FRMPD4: variants seen among roughly 807,000 people sequenced by gnomAD.
FRMPD4 encodes the protein FERM and PDZ domain-containing protein 4.
Under a neutral mutation model 94.1 loss-of-function variants are expected in FRMPD4, and 22 were observed. The ratio of observed to expected loss-of-function variants is 0.23; its 90% CI spans 0.17 to 0.33. FRMPD4 has a LOEUF of 0.33. Among genes scored for constraint, FRMPD4 ranks in the 10% least tolerant of loss-of-function variants. FRMPD4 has a pLI of 1.00. For synonymous variants in FRMPD4, 631 were observed against 548.6 expected (o/e 1.15, Z -2.10); for missense variants, 1,111 against 1,339.9 (o/e 0.83, Z 2.67).
chrX:12,312,447 G>T (rs2055050319), intron 1 of FRMPD4, among the ~76,000 whole-genome samples: 2 of 108,372 alleles, frequency 1.8e-5, no homozygotes, highest in African/African-American at 6.7e-5. Flanking sequence ...TAGAGACGGG[G>T]TTTCACCATG....
intron 3 of FRMPD4, among the ~76,000 whole-genome samples, chrX:12,096,751 G>C (rs1208090882): frequency 2.7e-5 from 3 of 111,271 alleles, no homozygotes; most frequent in East Asian, 5.6e-4. Context: ...GCTGGACATG[G>C]TTGTGTGCAC....
intron 1 of FRMPD4, among the ~76,000 whole-genome samples, chrX:12,459,008 A>G (rs1305195431): frequency 8.9e-6 from 1 of 112,172 alleles, no homozygotes; most frequent in African/African-American, 3.2e-5. Context: ...TCCATTGACC[A>G]TGGAGCACAG....
At chrX:12,463,692 G>GTTTTTTTTT (rs1235218164) in intron 1 of FRMPD4, among the ~76,000 whole-genome samples, 39 of 81,749 alleles carry the variant, frequency 4.8e-4, no homozygotes, top group Non-Finnish European at 8.1e-4. Flanking sequence ...TTTTTTTTTT[G>GTTTTTTTTT]TTTTTGTTTT....
chrX:12,051,666 A>G (rs898586067), intron 3 of FRMPD4, among the ~76,000 whole-genome samples: 1 of 111,554 alleles, frequency 9.0e-6, no homozygotes, highest in Non-Finnish European at 1.9e-5. Flanking sequence ...TAAAATTGTA[A>G]TGATCTTAGA....
intron 1 of FRMPD4, among the ~76,000 whole-genome samples, chrX:12,221,513 G>A (rs1425598365): frequency 8.9e-6 from 1 of 112,466 alleles, no homozygotes; most frequent in Non-Finnish European, 1.9e-5. Flanking sequence ...GAATTTGGAA[G>A]AGGTGATTAC....
chrX:12,461,961 G>T, intron 1 of FRMPD4, among the ~76,000 whole-genome samples: 1 of 111,677 alleles, frequency 9.0e-6, no homozygotes, highest in Non-Finnish European at 1.9e-5. Flanking sequence ...AGCAACAGAG[G>T]TTTGTTTCTC....
At chrX:12,314,499 G>A (rs975961955) in intron 1 of FRMPD4, among the ~76,000 whole-genome samples, 2 of 111,185 alleles carry the variant, frequency 1.8e-5, no homozygotes, top group Middle Eastern at 4.7e-3. Context: ...TCTGGTGGTC[G>A]TGGACCCTAT....
rs756043913 is a variant in FRMPD4, at chrX:12,718,020, T to C, written c.3194T>C (p.Phe1065Ser). The change falls in exon 16 of 17, where the codon TTT becomes TCT. Residue 1065 changes from phenylalanine (F) to serine (S), a missense_variant. Around this residue, in one of 8 missense-constraint regions of FRMPD4, gnomAD observed 551 missense variants for 591.6 expected, o/e 0.93. Coordinates refer to ENST00000675598, the MANE Select transcript of FRMPD4 (RefSeq NM_001368397.1). ...ATGGAGGAGGAGGCCAGTGGTAAAT[T>C]TGGTACTGTGTCTTCACGAGACAGT... ...AEMEEEASGK[F>S]GTVSSRDSQH... 2 of 1,211,776 alleles carry C rather than the reference T, an allele frequency of 1.7e-6. No homozygotes were observed. Among genetic ancestry groups the C allele is most frequent in the East Asian group, 5.9e-5 (2 of 33,850 alleles).
chrX:12,585,218 A>G (rs2058915311), intron 2 of FRMPD4, among the ~76,000 whole-genome samples: 3 of 62,122 alleles, frequency 4.8e-5, no homozygotes, highest in African/African-American at 2.2e-4. Flanking sequence ...CGCCTAGCCA[A>G]ATAATCAATT....
At chrX:12,452,910 G>T (rs2057289446) in intron 1 of FRMPD4, among the ~76,000 whole-genome samples, 1 of 111,936 alleles carries the variant, frequency 8.9e-6, no homozygotes, top group Non-Finnish European at 1.9e-5. Flanking sequence ...CACTGTCCTG[G>T]AGCTCCAAAT....
At chrX:12,500,916 TATA>T (rs2057912962) in intron 2 of FRMPD4, among the ~76,000 whole-genome samples, 1 of 112,214 alleles carries the variant, frequency 8.9e-6, no homozygotes, top group Admixed American at 9.4e-5. Flanking sequence ...GCTGAAGAAA[TATA>T]ATTTTTAAAA....
At chrX:12,340,899 G>A (rs7064174) in intron 1 of FRMPD4, among the ~76,000 whole-genome samples, 19,843 of 111,063 alleles carry the variant, frequency 0.18, 4,379 homozygotes, top group African/African-American at 0.61. Context: ...ACTCAAGGTA[G>A]ATGGCATCCC....
At chrX:12,214,836 G>T (rs1381761232) in intron 1 of FRMPD4, among the ~76,000 whole-genome samples, 2 of 110,525 alleles carry the variant, frequency 1.8e-5, no homozygotes, top group Non-Finnish European at 1.9e-5. Context: ...ATTAAAAAAT[G>T]GATAAATATA....
chrX:11,954,078 CTT>C (rs1363409307), intron 3 of FRMPD4, among the ~76,000 whole-genome samples: 1 of 112,320 alleles, frequency 8.9e-6, no homozygotes, highest in Non-Finnish European at 1.9e-5. Flanking sequence ...ATAAAAACCT[CTT>C]AGCATTTATC....
chrX:12,519,588 A>C (rs1461361474), intron 2 of FRMPD4, among the ~76,000 whole-genome samples: 1 of 112,449 alleles, frequency 8.9e-6, no homozygotes, highest in Admixed American at 9.4e-5. Flanking sequence ...GTGCCTCATA[A>C]AACATGATCA....
At chrX:12,623,789 A>C (rs1044560954) in intron 4 of FRMPD4, among the ~76,000 whole-genome samples, 10 of 112,174 alleles carry the variant, frequency 8.9e-5, no homozygotes, top group Non-Finnish European at 5.6e-5. Flanking sequence ...TGTCACATGC[A>C]AGAAAACCCT....
At chrX:12,676,903 C>T (rs1384856803) in intron 5 of FRMPD4, among the ~76,000 whole-genome samples, 2 of 112,048 alleles carry the variant, frequency 1.8e-5, no homozygotes, top group Admixed American at 1.9e-4. Context: ...TCACTTTCCC[C>T]TTGCCCAATC....
intron 1 of FRMPD4, among the ~76,000 whole-genome samples, chrX:12,461,525 A>G (rs2057390871): frequency 8.9e-6 from 1 of 111,834 alleles, no homozygotes; most frequent in Admixed American, 9.5e-5. Flanking sequence ...TGTCATAGTG[A>G]ATTCCCTTAA....
At chrX:12,665,143 A>T (rs1250645210) in intron 4 of FRMPD4, among the ~76,000 whole-genome samples, 15 of 110,584 alleles carry the variant, frequency 1.4e-4, no homozygotes, top group South Asian at 3.9e-4. Flanking sequence ...GTTAATCTTT[A>T]AAAAAGAAAA....
Sources: allele counts gnomAD v4.1 joint callset (sites outside exome capture counted in the v4.1 genomes callset), GRCh38; gene constraint gnomAD v4.1.1; regional missense constraint gnomAD v4.1.1; transcripts MANE v1.5; gene names NCBI Gene and HGNC (gene_info 2026-07-23, HGNC 2026-07-21).